The following GSTA4 variants were observed in gnomAD, a reference collection of about 807,000 sequenced individuals.
GSTA4 encodes glutathione S-transferase A4.
A neutral mutation model predicts 24.4 loss-of-function variants in GSTA4; 15 were observed. The ratio of observed to expected loss-of-function variants is 0.61; its 90% CI spans 0.41 to 0.95. The LOEUF (loss-of-function observed/expected upper bound fraction) is 0.95, where lower values mean the gene tolerates loss of function less well. Ranked by LOEUF, GSTA4 falls within the 40% of genes least tolerant of loss-of-function variation. GSTA4 has a pLI of 0.00. For missense variants in GSTA4, 244 were observed against 262.1 expected, an observed-to-expected ratio of 0.93 and a Z score of 0.48; for synonymous variants, 92 against 94.2, an observed-to-expected ratio of 0.98 and a Z score of 0.13.
intron 4 of GSTA4, 78 bp from the exon 5 acceptor site, chr6:52,984,683 C>CA: frequency 4.1e-5 from 32 of 789,046 alleles, no homozygotes; most frequent in Non-Finnish European, 5.8e-5. Flanking sequence ...ATTCAGAGTG[C>CA]TTTTTTTTTT....
At chr6:52,990,034 G>A (rs1228415886) in intron 2 of GSTA4, among the ~76,000 whole-genome samples, 1 of 152,004 alleles carries the variant, frequency 6.6e-6, no homozygotes, top group Admixed American at 6.6e-5. Flanking sequence ...GATATATGCA[G>A]GGACAAGGTG....
At chr6:52,989,840 T>A (rs1763631051) in intron 2 of GSTA4, among the ~76,000 whole-genome samples, 1 of 152,182 alleles carries the variant, frequency 6.6e-6, no homozygotes, top group African/African-American at 2.4e-5. Context: ...TCATATTAGT[T>A]AACAGAAAGG....
chr6:52,995,043 G>A (rs1452500015), intron 1 of GSTA4: 1 of 152,520 alleles, frequency 6.6e-6, no homozygotes, highest in Non-Finnish European at 1.5e-5. Flanking sequence ...GAGCCAAGAA[G>A]GACCCCAGCT....
chr6:52,991,036 C>T (rs559405840), intron 2 of GSTA4, among the ~76,000 whole-genome samples: 1 of 152,198 alleles, frequency 6.6e-6, no homozygotes, highest in Non-Finnish European at 1.5e-5. Flanking sequence ...GGCAAGTTGT[C>T]ATAGGCAAAA....
At chr6:52,978,911 G>C (rs556748990) in intron 6 of GSTA4, among the ~76,000 whole-genome samples, 2 of 152,042 alleles carry the variant, frequency 1.3e-5, no homozygotes, top group East Asian at 3.9e-4. Context: ...TGCAGCCCGC[G>C]GGCTGTGGGT....
At chr6:52,980,664 T>C (rs758127936) in intron 6 of GSTA4, among the ~76,000 whole-genome samples, 12 of 152,178 alleles carry the variant, frequency 7.9e-5, no homozygotes, top group African/African-American at 2.7e-4. Context: ...ATCCCACCTA[T>C]TTGGGGCCAA....
At chr6:52,985,955 A>G (rs45578139) in intron 3 of GSTA4, among the ~76,000 whole-genome samples, 7,064 of 152,090 alleles carry the variant, frequency 0.046, 227 homozygotes, top group Non-Finnish European at 0.068. Flanking sequence ...GGAGGCTGAG[A>G]CAGGAGAATT....
intron 1 of GSTA4, among the ~76,000 whole-genome samples, chr6:52,994,761 A>G (rs893732840): frequency 6.6e-6 from 1 of 152,124 alleles, no homozygotes; most frequent in Non-Finnish European, 1.5e-5. Context: ...ACTGTCTGCA[A>G]AATGTGCGTC....
chr6:52,982,548 A>G (rs939104890), intron 6 of GSTA4, 26 bp downstream of exon 6: 1 of 1,588,522 alleles, frequency 6.3e-7, no homozygotes, highest in African/African-American at 1.4e-5. Context: ...TTCTAGGCCA[A>G]TCTTCTAATA....
chr6:52,984,845 A>T (rs1258333930), intron 4 of GSTA4, among the ~76,000 whole-genome samples: 1 of 152,270 alleles, frequency 6.6e-6, no homozygotes, highest in East Asian at 1.9e-4. Flanking sequence ...CTCTCCTGGC[A>T]TCCTACTCCT....
At chr6:52,989,324 C>G (rs1031682634) in intron 2 of GSTA4, among the ~76,000 whole-genome samples, 3 of 152,190 alleles carry the variant, frequency 2.0e-5, no homozygotes, top group African/African-American at 7.2e-5. Flanking sequence ...TCCTAATAAA[C>G]TTGCTTTTGC....
intron 2 of GSTA4, among the ~76,000 whole-genome samples, chr6:52,988,679 T>C (rs1314017369): frequency 6.6e-6 from 1 of 152,114 alleles, no homozygotes; most frequent in Non-Finnish European, 1.5e-5. Flanking sequence ...ACAACCAAAT[T>C]GGAAGTAGAT....
Position 52,991,547 on chromosome 6 carries a change from C to T in GSTA4, c.87+2610G>A, listed in dbSNP as rs544040969. On this transcript the variant is annotated intron_variant, in intron 2 of 6. Transcript: ENST00000370963. ...CCTGAAGTGATCATGCCTCTGGGTC[C>T]AGCTAGTAATTTATGGGAAGTACAG... Among the ~76,000 whole-genome samples the T allele has an allele frequency of 3.3e-5, 5 of 152,196 alleles. No homozygotes were observed. The South Asian group carries it at 6.2e-4, about 19-fold the overall frequency.
intron 2 of GSTA4, among the ~76,000 whole-genome samples, chr6:52,991,077 T>C (rs1763651309): frequency 6.6e-6 from 1 of 152,230 alleles, no homozygotes. Flanking sequence ...ACAAAACGCA[T>C]AACCCAACAA....
chr6:52,991,932 T>C (rs1306146455), intron 2 of GSTA4, among the ~76,000 whole-genome samples: 2 of 152,024 alleles, frequency 1.3e-5, no homozygotes, highest in African/African-American at 2.4e-5. Context: ...AATTTTTGTA[T>C]TTTTGGGAGA....
chr6:52,990,451 C>A (rs1763641908), intron 2 of GSTA4, among the ~76,000 whole-genome samples: 2 of 152,178 alleles, frequency 1.3e-5, no homozygotes, highest in African/African-American at 4.8e-5. Flanking sequence ...CATGTGGTCA[C>A]CCTGGGAGAG....
In GSTA4 at chr6:52,991,076, A is replaced by G. The variant is rs895642811; in HGVS notation, c.87+3081T>C. On this transcript the variant is annotated intron_variant, in intron 2 of 6. Coordinates refer to ENST00000370963, the MANE Select transcript of GSTA4 (RefSeq NM_001512.4). ...AAAACAAAGAACAAACACAAAACGC[A>G]TAACCCAACAACTCACATTTGCATC... Among the ~76,000 whole-genome samples, 90 of 152,388 alleles carry G rather than the reference A, an allele frequency of 5.9e-4. 1 individual carries two copies. The highest frequency in any genetic ancestry group is 2.0e-3 in the African/African-American group (82 of 41,602).
intron 2 of GSTA4, 127 bp from the exon 3 acceptor site, chr6:52,987,535 C>A (rs183025829): frequency 1.3e-5 from 8 of 597,642 alleles, no homozygotes; most frequent in Non-Finnish European, 2.4e-5. Context: ...TGAAATAAGC[C>A]AGGCACAGAA....
At chr6:52,979,763 T>C (rs975616060) in intron 6 of GSTA4, among the ~76,000 whole-genome samples, 12 of 152,344 alleles carry the variant, frequency 7.9e-5, no homozygotes, top group Admixed American at 6.5e-4. Flanking sequence ...ACGTCACTAA[T>C]AGTAACAAAA....
Sources: gnomAD v4.1 joint callset for allele counts (sites outside exome capture counted in the v4.1 genomes callset) on GRCh38, gnomAD v4.1.1 for gene constraint, MANE v1.5 for transcripts, NCBI Gene and HGNC (gene_info 2026-07-23, HGNC 2026-07-21) for gene names.